Variants in GRIA1 observed in about 807,000 individuals in gnomAD.
GRIA1 encodes glutamate ionotropic receptor AMPA type subunit 1, also known as glutamate receptor 1.
GRIA1 carries 31 observed loss-of-function variants against 99.2 expected under a neutral mutation model. The observed-to-expected ratio is 0.31, with a 90% CI of 0.23 to 0.42. The LOEUF (loss-of-function observed/expected upper bound fraction) is 0.42, where lower values mean the gene tolerates loss of function less well. Ranked by LOEUF, GRIA1 falls within the 10% of genes least tolerant of loss-of-function variation. GRIA1 has a pLI of 1.00. For synonymous variants in GRIA1, 438 were observed against 432.4 expected (o/e 1.01, Z -0.16); for missense variants, 782 against 1,157.5 (o/e 0.68, Z 4.71).
chr5:153,685,430 C>T (rs1023749014), intron 7 of GRIA1, among the ~76,000 whole-genome samples: 2 of 152,314 alleles, frequency 1.3e-5, no homozygotes, highest in African/African-American at 4.8e-5. Flanking sequence ...GTGGAGAAGT[C>T]TCATGCGGCA....
At chr5:153,795,494 G>T (rs764448080) in intron 14 of GRIA1, 10 of 1,608,236 alleles carry the variant, frequency 6.2e-6, no homozygotes, top group East Asian at 2.2e-5. Flanking sequence ...TAAACCTAGC[G>T]GTTTTGAAAC....
intron 2 of GRIA1, among the ~76,000 whole-genome samples, chr5:153,577,607 G>A (rs1161164205): frequency 1.3e-5 from 2 of 152,180 alleles, no homozygotes; most frequent in African/African-American, 2.4e-5. Context: ...GGGAGAATAT[G>A]CAGAACAAAG....
intron 11 of GRIA1, among the ~76,000 whole-genome samples, chr5:153,742,074 A>G (rs1170915228): frequency 6.6e-6 from 1 of 152,146 alleles, no homozygotes; most frequent in African/African-American, 2.4e-5. Flanking sequence ...ATACAACCTA[A>G]AGTTTAAGTA....
chr5:153,548,859 T>TC (rs1200352041), intron 2 of GRIA1, among the ~76,000 whole-genome samples: 4 of 152,208 alleles, frequency 2.6e-5, no homozygotes, highest in Admixed American at 2.0e-4. Flanking sequence ...GCACAGTTTT[T>TC]CATTCTTCAC....
At chr5:153,631,323 C>T (rs1478727148) in intron 2 of GRIA1, among the ~76,000 whole-genome samples, 1 of 152,198 alleles carries the variant, frequency 6.6e-6, no homozygotes, top group Non-Finnish European at 1.5e-5. Flanking sequence ...TGGCCAGTAG[C>T]CTCTTCTCTG....
chr5:153,646,951 G>A lies in GRIA1; in HGVS notation c.244G>A (p.Val82Ile), dbSNP rs1434259155. Reference sequence around the variant, plus strand: ...AGTCTGTTCCCAGTTCTCCAAAGGAGTCTATGCCATCTTTGGGTTTTATGA... The same window carrying A: ...AGTCTGTTCCCAGTTCTCCAAAGGAATCTATGCCATCTTTGGGTTTTATGA... Reference protein sequence around the residue: ...YRFCSQFSKGVYAIFGFYERR... With the variant: ...YRFCSQFSKGIYAIFGFYERR... The change falls in exon 3 of 16, where the codon GTC becomes ATC. Residue 82 changes from valine to isoleucine, a missense_variant. Val to Ile is a conservative substitution (Grantham distance 29). Around this residue, in one of 5 missense-constraint regions of GRIA1, gnomAD observed 461 missense variants for 521.7 expected, o/e 0.88. Coordinates refer to ENST00000285900, the MANE Select transcript of GRIA1 (RefSeq NM_000827.4). 3 of 1,613,870 alleles carry A rather than the reference G, an allele frequency of 1.9e-6. No homozygotes were observed. Among genetic ancestry groups the A allele is most frequent in the Non-Finnish European group, 2.5e-6 (3 of 1,179,818 alleles).
At chr5:153,647,303 A>T in intron 3 of GRIA1, 136 bp downstream of exon 3, 7 of 1,109,302 alleles carry the variant, frequency 6.3e-6, no homozygotes, top group Non-Finnish European at 9.0e-6. Context: ...GAGAAATCTG[A>T]CTGATTTATC....
At chr5:153,790,892 T>C (rs573006387) in intron 13 of GRIA1, among the ~76,000 whole-genome samples, 1 of 152,302 alleles carries the variant, frequency 6.6e-6, no homozygotes, top group South Asian at 2.1e-4. Flanking sequence ...TTTTCCAAGG[T>C]TCCTGGCCTT....
intron 5 of GRIA1, among the ~76,000 whole-genome samples, chr5:153,662,121 C>A (rs1034808111): frequency 6.6e-6 from 1 of 152,188 alleles, no homozygotes; most frequent in Non-Finnish European, 1.5e-5. Flanking sequence ...ACAAAGCAGC[C>A]TTTGAGTATT....
intron 15 of GRIA1, 58 bp from the exon 16 acceptor site, chr5:153,810,967 T>C (rs1443709254): frequency 2.1e-5 from 26 of 1,228,766 alleles, no homozygotes; most frequent in Non-Finnish European, 2.8e-5. Flanking sequence ...TCTTGACTCA[T>C]TCCCATTGCC....
At chr5:153,678,265 CG>C (rs775544644) in intron 7 of GRIA1, among the ~76,000 whole-genome samples, 18 of 152,222 alleles carry the variant, frequency 1.2e-4, no homozygotes, top group Non-Finnish European at 2.6e-4. Flanking sequence ...GCCAACCACA[CG>C]TGCACAGCTC....
Position 153,490,846 on chromosome 5 carries a change from A to G in GRIA1, c.-43A>G. 1.4e-6 allele frequency: 2 copies of G among 1,415,752 alleles called. No homozygotes were observed. The highest frequency in any genetic ancestry group is 1.4e-5 in the African/African-American group (1 of 71,296). 87.7% of individuals were successfully genotyped at this position (1,415,752 alleles called of 1,614,324 possible). On this transcript the variant is annotated 5_prime_UTR_variant, in exon 1 of 16. It removes an upstream start codon present in the reference 5' UTR. Coordinates refer to ENST00000285900, the MANE Select transcript of GRIA1 (RefSeq NM_000827.4). ...GGAAAGGGGGGGAAACACCAAATCTATGATTGGACCTGGGCTTCTTTTTCG... is the reference window on the plus strand; with the variant it reads ...GGAAAGGGGGGGAAACACCAAATCTGTGATTGGACCTGGGCTTCTTTTTCG...
chr5:153,492,330 T>C lies in GRIA1; in HGVS notation c.82+1360T>C, dbSNP rs1309551410. 4.6e-6 allele frequency: 7 copies of C among 1,518,076 alleles called. No individual in the cohort carries two copies. The South Asian group carries it at 7.3e-5, about 16-fold the overall frequency. The allele number at this position is 1,518,076 out of a possible 1,614,324, so 94.0% of individuals were successfully genotyped here. On this transcript the variant is annotated intron_variant, in intron 1 of 15. Transcript: ENST00000285900. ...AAGTGTGTACGTATCTGTGTGTTAGTGCCTAACACGCAAAACTTCCTGCCT... is the reference window on the plus strand; with the variant it reads ...AAGTGTGTACGTATCTGTGTGTTAGCGCCTAACACGCAAAACTTCCTGCCT...
intron 2 of GRIA1, among the ~76,000 whole-genome samples, chr5:153,594,550 C>T (rs977126528): frequency 3.3e-5 from 5 of 151,498 alleles, no homozygotes; most frequent in African/African-American, 4.9e-5. Context: ...TTAATGTGTT[C>T]TTTTGGTCCC....
At chr5:153,622,437 C>G (rs147138077) in intron 2 of GRIA1, among the ~76,000 whole-genome samples, 1 of 152,232 alleles carries the variant, frequency 6.6e-6, no homozygotes, top group African/African-American at 2.4e-5. Flanking sequence ...ATCAAATAGG[C>G]CTCTTAGGTT....
chr5:153,811,435 T>C lies in GRIA1; in HGVS notation c.*210T>C. On this transcript the variant is annotated 3_prime_UTR_variant, in exon 16 of 16. Coordinates refer to ENST00000285900, the MANE Select transcript of GRIA1 (RefSeq NM_000827.4). Reference sequence around the variant, plus strand: ...TTTGATGTTCTTTCACCCTTTTCTGTTTGCTAAGTGAGGATGAAAAAATAA... The same window carrying C: ...TTTGATGTTCTTTCACCCTTTTCTGCTTGCTAAGTGAGGATGAAAAAATAA... 1.9e-6 allele frequency: 1 copy of C among 535,566 alleles called. No homozygotes were observed. Among genetic ancestry groups the C allele is most frequent in the Non-Finnish European group, 3.4e-6 (1 of 295,838 alleles). The allele number at this position is 535,566 out of a possible 1,614,324, so 33.2% of individuals were successfully genotyped here.
At chr5:153,551,108 T>C (rs899677656) in intron 2 of GRIA1, among the ~76,000 whole-genome samples, 1 of 152,112 alleles carries the variant, frequency 6.6e-6, no homozygotes, top group African/African-American at 2.4e-5. Flanking sequence ...TAAGTGTTGA[T>C]TATGTTTTAT....
At chr5:153,493,433 T>C (rs138756718) in intron 1 of GRIA1, among the ~76,000 whole-genome samples, 177 of 152,310 alleles carry the variant, frequency 1.2e-3, no homozygotes, top group African/African-American at 3.9e-3. Flanking sequence ...ACAGTTATAG[T>C]AGTGGAGAAG....
Position 153,646,993 on chromosome 5 carries a change from A to G in GRIA1, c.286A>G (p.Met96Val). 1.2e-6 allele frequency: 2 copies of G among 1,613,978 alleles called. No individual in the cohort carries two copies. Among genetic ancestry groups the G allele is most frequent in the South Asian group, 1.1e-5 (1 of 91,074 alleles). The stretch of plus-strand genomic sequence containing the variant: ...GTTTTATGAACGTAGGACTGTCAAC[A>G]TGCTGACCTCCTTTTGTGGGGCCCT... ...FGFYERRTVN[M>V]LTSFCGALHV... Residue 96 changes from methionine (M) to valine (V), a missense_variant, in exon 3 of 16, where the codon ATG becomes GTG. By Grantham distance (21) the Met-to-Val change is conservative. Transcript: ENST00000285900.
Sources: gnomAD v4.1 joint callset for allele counts (sites outside exome capture counted in the v4.1 genomes callset) on GRCh38, gnomAD v4.1.1 for gene constraint, gnomAD v4.1.1 regional missense constraint, MANE v1.5 for transcripts, NCBI Gene and HGNC (gene_info 2026-07-23, HGNC 2026-07-21) for gene names.